Variants in TM4SF20 observed in about 807,000 individuals in gnomAD.
The protein encoded by TM4SF20 is transmembrane 4 L six family member 20, also known as transmembrane 4 L6 family member 20.
TM4SF20 carries 13 observed loss-of-function variants against 15.1 expected under a neutral mutation model. The observed-to-expected ratio is 0.86, with a 90% confidence interval of 0.56 to 1.36. TM4SF20 has a LOEUF of 1.36. Ranked by LOEUF, TM4SF20 falls within the 40% of genes most tolerant of loss-of-function variation. The pLI, the probability that TM4SF20 is intolerant of heterozygous loss-of-function variation, is 0.00. For synonymous variants in TM4SF20, 92 were observed against 96.6 expected (o/e 0.95, Z 0.28); for missense variants, 282 against 268.4 (o/e 1.05, Z -0.35).
chr2:227,363,751 G>A lies in TM4SF20; in HGVS notation c.663C>T (p.Val221=), dbSNP rs149462054. ...VIGFLGCLCG[V]SKRRSQIV ...ACACAATTTGACTTCTTCGCTTAGA[G>A]ACTCCACACAGACAGCCAAGGAAAC... The change falls in exon 4 of 4, where the codon GTC becomes GTT. Residue 221 remains valine (V), a synonymous_variant. Coordinates refer to ENST00000304568, the MANE Select transcript of TM4SF20 (RefSeq NM_024795.4). 8.9e-5 allele frequency: 143 copies of A among 1,613,842 alleles called. 2 individuals are homozygous for A. In the Middle Eastern group the frequency reaches 2.0e-3, roughly 22 times the overall value.
At position 227,362,645 on chromosome 2, in the gene TM4SF20, C is replaced by A. The variant is rs528888701; in HGVS notation, c.*1079G>T. On this transcript the variant is annotated 3_prime_UTR_variant, in exon 4 of 4. Coordinates refer to ENST00000304568, the MANE Select transcript of TM4SF20 (RefSeq NM_024795.4). ...TTAAAATATTGTGTGAAATTACCTTCAGGCCAGGTGTTCAAAGTGTGTATG... is the reference window on the plus strand; with the variant it reads ...TTAAAATATTGTGTGAAATTACCTTAAGGCCAGGTGTTCAAAGTGTGTATG... 1.2e-4 allele frequency: 19 copies of A among 152,302 alleles called. No individual in the cohort carries two copies. In the East Asian group the frequency reaches 3.5e-3, roughly 28 times the overall value. The allele number at this position is 152,302 out of a possible 1,614,324, so 9.4% of individuals were successfully genotyped here.
chr2:227,370,625 G>T (rs2076415677), intron 2 of TM4SF20, among the ~76,000 whole-genome samples: 1 of 152,158 alleles, frequency 6.6e-6, no homozygotes, highest in African/African-American at 2.4e-5. Flanking sequence ...GGGCGTGATG[G>T]TGTGCACCTG....
At chr2:227,365,777 T>C (rs562429922) in intron 3 of TM4SF20, among the ~76,000 whole-genome samples, 2 of 152,236 alleles carry the variant, frequency 1.3e-5, no homozygotes, top group Non-Finnish European at 2.9e-5. Flanking sequence ...GTTTCTGGTG[T>C]ATATTTGCAT....
Position 227,363,860 on chromosome 2 carries a change from CTA to C in TM4SF20, c.552_553del (p.His184GlnfsTer39). ...TAAAAATACTGAGAAGTGGATAAGC[CTA>C]TGTTTGTTTTCTTCAGAATCGAAGT... On this transcript the variant is annotated frameshift_variant, in exon 4 of 4. Coordinates refer to ENST00000304568, the MANE Select transcript of TM4SF20 (RefSeq NM_024795.4). LOFTEE classifies it high-confidence loss of function. 6.2e-7 allele frequency: 1 copy of C among 1,614,112 alleles called. No individual in the cohort carries two copies. Among genetic ancestry groups the C allele is most frequent in the Non-Finnish European group, 8.5e-7 (1 of 1,180,022 alleles).
At chr2:227,368,172 C>T (rs1275833028) in intron 2 of TM4SF20, among the ~76,000 whole-genome samples, 7 of 149,594 alleles carry the variant, frequency 4.7e-5, no homozygotes, top group South Asian at 4.2e-4. Flanking sequence ...TACAGGCACC[C>T]GCCACCACGC....
intron 2 of TM4SF20, among the ~76,000 whole-genome samples, chr2:227,370,619 G>A (rs535988243): frequency 2.6e-5 from 4 of 152,252 alleles, no homozygotes; most frequent in South Asian, 2.1e-4. Context: ...TTAGCTGGGC[G>A]TGATGGTGTG....
At position 227,379,248 on chromosome 2, in the gene TM4SF20, C is replaced by A. The variant is rs369026166; in HGVS notation, c.21G>T (p.Trp7Cys). 6.2e-6 allele frequency: 10 copies of A among 1,613,924 alleles called. No individual in the cohort carries two copies. The African/African-American group carries it at 1.2e-4, about 19-fold the overall frequency. ...GCAGGCTGAATCCATTGCAGGATGT[C>A]CATCCTTCGCAGCAGGTCATGGTCA... MTCCEG[W>C]TSCNGFSLLV... Residue 7 changes from tryptophan to cysteine, a missense_variant, in exon 1 of 4, where the codon TGG becomes TGT. Physicochemically the swap from Trp to Cys is radical, Grantham distance 215. Transcript: ENST00000304568.
At chr2:227,375,712 A>T (rs2076446063) in intron 1 of TM4SF20, among the ~76,000 whole-genome samples, 1 of 152,020 alleles carries the variant, frequency 6.6e-6, no homozygotes, top group Non-Finnish European at 1.5e-5. Flanking sequence ...GACGGTCTTG[A>T]TCTCCTGACC....
intron 1 of TM4SF20, among the ~76,000 whole-genome samples, chr2:227,377,371 T>C (rs2106496523): frequency 6.6e-6 from 1 of 152,368 alleles, no homozygotes; most frequent in Middle Eastern, 3.4e-3. Context: ...AGTTGCTTCA[T>C]GCTGTTGAGT....
intron 1 of TM4SF20, among the ~76,000 whole-genome samples, chr2:227,373,772 A>G (rs184812145): frequency 1.3e-5 from 2 of 151,994 alleles, no homozygotes; most frequent in African/African-American, 4.8e-5. Flanking sequence ...CTACTAAAAT[A>G]CAAAAAATTA....
intron 2 of TM4SF20, among the ~76,000 whole-genome samples, chr2:227,366,553 C>T (rs527694253): frequency 1.3e-5 from 2 of 151,448 alleles, no homozygotes; most frequent in Non-Finnish European, 3.0e-5. Flanking sequence ...CATGGCAAAA[C>T]CCCCTCTCTA....
intron 1 of TM4SF20, among the ~76,000 whole-genome samples, chr2:227,372,069 G>A (rs1453958454): frequency 6.6e-6 from 1 of 152,178 alleles, no homozygotes; most frequent in Non-Finnish European, 1.5e-5. Context: ...CCTTCCGCTT[G>A]AGAAATTTTA....
At chr2:227,365,423 A>G (rs2076388100) in intron 3 of TM4SF20, among the ~76,000 whole-genome samples, 1 of 152,224 alleles carries the variant, frequency 6.6e-6, no homozygotes, top group African/African-American at 2.4e-5. Context: ...GTCTAGATTC[A>G]GTCACAGAAT....
rs370675463 is a variant in TM4SF20, at chr2:227,378,060, A to ACT, written c.183+1024_183+1025dup. On this transcript the variant is annotated intron_variant, in intron 1 of 3. Transcript: ENST00000304568. Reference sequence around the variant, plus strand: ...CTGATAATATCAGTCCTTACAGCTTACTCTCTCTCTCTCTCTCTGTCTTAC... The same window carrying ACT: ...CTGATAATATCAGTCCTTACAGCTTACTCTCTCTCTCTCTCTCTCTGTCTTAC... Among the ~76,000 whole-genome samples, 1,023 of 147,442 alleles carry ACT rather than the reference A, an allele frequency of 6.9e-3. 10 individuals are homozygous for ACT. The highest frequency in any genetic ancestry group is 0.023 in the African/African-American group (931 of 40,360).
chr2:227,362,704 C>G lies in TM4SF20; in HGVS notation c.*1020G>C, dbSNP rs2076367898. On this transcript the variant is annotated 3_prime_UTR_variant, in exon 4 of 4. Transcript: ENST00000304568. Reference sequence around the variant, plus strand: ...ATGAATTTTGTGGTTAGACTTGCATCCCATCCCCAAGATGTCTCATTATTA... The same window carrying G: ...ATGAATTTTGTGGTTAGACTTGCATGCCATCCCCAAGATGTCTCATTATTA... The G allele has an allele frequency of 6.6e-6, 1 of 152,258 alleles. No homozygotes were observed. Among genetic ancestry groups the G allele is most frequent in the African/African-American group, 2.4e-5 (1 of 41,548 alleles). The allele number at this position is 152,258 out of a possible 1,614,324, so 9.4% of individuals were successfully genotyped here. A position where few individuals can be genotyped will look rare whatever the true frequency, so the allele number is the denominator to read the frequency against.
At chr2:227,371,010 T>C (rs1344349538) in intron 1 of TM4SF20, 30 bp from the exon 2 acceptor site, 2 of 1,572,268 alleles carry the variant, frequency 1.3e-6, no homozygotes, top group Non-Finnish European at 1.8e-6. Flanking sequence ...GAAAGATGAG[T>C]ATTATAACTT....
Position 227,379,210 on chromosome 2 carries a change from A to G in TM4SF20, c.59T>C (p.Leu20Pro). Reference sequence around the variant, plus strand: ...TATCGCATTGAGAACTACTCCTAACAGCAGTAGAACCAGCAGGCTGAATCC... The same window carrying G: ...TATCGCATTGAGAACTACTCCTAACGGCAGTAGAACCAGCAGGCTGAATCC... ...CNGFSLLVLL[L>P]LGVVLNAIPL... The change falls in exon 1 of 4, where the codon CTG (leucine) becomes CCG (proline). Residue 20 changes from leucine (L) to proline (P), a missense_variant. By Grantham distance (98) the Leu-to-Pro change is moderately conservative. Transcript: ENST00000304568. The G allele has an allele frequency of 6.2e-7, 1 of 1,614,230 alleles. No individual in the cohort carries two copies. Among genetic ancestry groups the G allele is most frequent in the Non-Finnish European group, 8.5e-7 (1 of 1,180,028 alleles).
chr2:227,379,381 G>GA (rs1483139615), upstream of TM4SF20: 3 of 919,508 alleles, frequency 3.3e-6, no homozygotes, highest in African/African-American at 5.0e-5. Flanking sequence ...ATGAATAGTG[G>GA]AAAATAGTTC....
At chr2:227,381,038 G>T (rs1560009223), upstream of TM4SF20, among the ~76,000 whole-genome samples, 1 of 152,176 alleles carries the variant, frequency 6.6e-6, no homozygotes, top group Non-Finnish European at 1.5e-5. Flanking sequence ...ACTTTGGGAG[G>T]GCGAGGTGGG....
Sources: gnomAD v4.1 joint callset for allele counts (sites outside exome capture counted in the v4.1 genomes callset) on GRCh38, gnomAD v4.1.1 for gene constraint, MANE v1.5 for transcripts, NCBI Gene and HGNC (gene_info 2026-07-23, HGNC 2026-07-21) for gene names.